The following BRCA1 variants were observed in gnomAD, a reference collection of about 807,000 sequenced individuals.
BRCA1 encodes BRCA1 DNA repair associated.
Under a neutral mutation model 173.7 loss-of-function variants are expected in BRCA1, and 140 were observed. The ratio of observed to expected loss-of-function variants is 0.81; its 90% CI spans 0.70 to 0.93. BRCA1 has a LOEUF of 0.93. Among genes scored for constraint, BRCA1 ranks in the 40% least tolerant of loss-of-function variants. BRCA1 has a pLI of 0.00. For synonymous variants in BRCA1, 662 were observed against 756.0 expected (o/e 0.88, Z 2.04); for missense variants, 1,983 against 2,172.5 (o/e 0.91, Z 1.73).
At position 43,049,110 on chromosome 17, in the gene BRCA1, C is replaced by A. The variant is rs892136580; in HGVS notation, c.5406+11G>T. 2 of 1,612,368 alleles carry A rather than the reference C, an allele frequency of 1.2e-6. No individual in the cohort carries two copies. Among genetic ancestry groups the A allele is most frequent in the African/African-American group, 2.7e-5 (2 of 74,832 alleles). ...GTGTCCTCCCTCTCTGACAGGGCAC[C>A]CAATACTTACTGTGCCAAGGGTGAA... is the stretch of plus-strand genomic sequence containing the variant. On this transcript the variant is annotated intron_variant, in intron 21 of 22. Coordinates refer to ENST00000357654, the MANE Select transcript of BRCA1 (RefSeq NM_007294.4).
chr17:43,061,556 C>T (rs1052782302), intron 18 of BRCA1, among the ~76,000 whole-genome samples: 3 of 150,762 alleles, frequency 2.0e-5, no homozygotes, highest in African/African-American at 7.3e-5. Context: ...ATGAATACAT[C>T]GAATTGTGCA....
chr17:43,129,637 C>A (rs2055948803), upstream of BRCA1, among the ~76,000 whole-genome samples: 1 of 152,112 alleles, frequency 6.6e-6, no homozygotes, highest in Non-Finnish European at 1.5e-5. Flanking sequence ...TCACGCCCAG[C>A]TAATTTTTTG....
chr17:43,091,288 G>A (rs1250784398), intron 10 of BRCA1, 147 bp downstream of exon 10: 3 of 1,117,324 alleles, frequency 2.7e-6, no homozygotes, highest in Non-Finnish European at 3.9e-6. Context: ...TCTATGAAAA[G>A]CACCTTAGGA....
At chr17:43,088,673 T>G (rs538655691) in intron 11 of BRCA1, among the ~76,000 whole-genome samples, 3 of 152,328 alleles carry the variant, frequency 2.0e-5, no homozygotes, top group African/African-American at 4.8e-5. Context: ...ATTCACTTAC[T>G]AGCAGCTAAA....
At chr17:43,099,754 T>TA (rs1223085865) in intron 7 of BRCA1, 21 bp downstream of exon 7, 2 of 1,566,992 alleles carry the variant, frequency 1.3e-6, no homozygotes, top group South Asian at 2.2e-5. Context: ...ATTAAATACT[T>TA]AAAAAACCTG....
At position 43,068,755 on chromosome 17, in the gene BRCA1, C is replaced by T. The variant is rs145869415; in HGVS notation, c.4987-1060G>A. ...ATATACATGGCTTAAAACCAAGACT[C>T]AACCCTCTGATAGTTACAAAACACT... On this transcript the variant is annotated intron_variant, in intron 15 of 22. Transcript: ENST00000357654. Among the ~76,000 whole-genome samples, 1,524 of 152,198 alleles carry T rather than the reference C, an allele frequency of 0.01. 17 individuals carry two copies. Among genetic ancestry groups the T allele is most frequent in the Middle Eastern group, 0.017 (5 of 294 alleles).
chr17:43,121,168 G>T (rs185348383), intron 2 of BRCA1, among the ~76,000 whole-genome samples: 1 of 151,906 alleles, frequency 6.6e-6, no homozygotes, highest in Non-Finnish European at 1.5e-5. Context: ...AAGGTCAGGA[G>T]ATCGAGACCA....
Position 43,050,880 on chromosome 17 carries a change from G to GT in BRCA1, c.5332+182dup, listed in dbSNP as rs201644509. On this transcript the variant is annotated intron_variant, in intron 20 of 22. Coordinates refer to ENST00000357654, the MANE Select transcript of BRCA1 (RefSeq NM_007294.4). ...CTCTTGAGAAGGGGGACAAGGTATA[G>GT]TTTTTTTTTGCCATAGGATAACATT... Among the ~76,000 whole-genome samples, 49 of 151,542 alleles carry GT rather than the reference G, an allele frequency of 3.2e-4. No homozygotes were observed. In the East Asian group the frequency reaches 4.4e-3, roughly 14 times the overall value.
chr17:43,100,572 A>AAC (rs2054352247), intron 6 of BRCA1, among the ~76,000 whole-genome samples: 5 of 86,600 alleles, frequency 5.8e-5, no homozygotes, highest in South Asian at 8.5e-4. Context: ...ATATATATAT[A>AAC]ACATATATAT....
chr17:43,096,504 G>C (rs2054145067), intron 8 of BRCA1, among the ~76,000 whole-genome samples: 1 of 151,132 alleles, frequency 6.6e-6, no homozygotes, highest in Non-Finnish European at 1.5e-5. Flanking sequence ...CCAGGGAGTT[G>C]GAGATTGCAG....
At chr17:43,147,618 G>C (rs2056132089) in intron 1 of BRCA1, among the ~76,000 whole-genome samples, 1 of 152,164 alleles carries the variant, frequency 6.6e-6, no homozygotes. Context: ...TTTCTAGTTA[G>C]AATTCTGTGA....
In BRCA1 at chr17:43,045,420, A is replaced by T; in HGVS notation, c.*258T>A. The T allele has an allele frequency of 1.5e-6, 1 of 674,668 alleles. No individual in the cohort carries two copies. Among genetic ancestry groups the T allele is most frequent in the Non-Finnish European group, 2.7e-6 (1 of 369,958 alleles). The allele number at this position is 674,668 out of a possible 1,614,324, so 41.8% of individuals were successfully genotyped here. A position where few individuals can be genotyped will look rare whatever the true frequency, so the allele number is the denominator to read the frequency against. ...ATCTTGCTCAATTGGTGGCGTTTAA[A>T]TGGTTTTAAAATCTTCTCAGGTGAA... On this transcript the variant is annotated 3_prime_UTR_variant, in exon 23 of 23. Coordinates refer to ENST00000357654, the MANE Select transcript of BRCA1 (RefSeq NM_007294.4).
intron 6 of BRCA1, among the ~76,000 whole-genome samples, chr17:43,103,428 C>T (rs2054578031): frequency 6.7e-6 from 1 of 150,218 alleles, no homozygotes; most frequent in African/African-American, 2.5e-5. Flanking sequence ...CATCGTGTCA[C>T]TGCGCTCCAG....
At chr17:43,086,931 G>C (rs1291391314) in intron 11 of BRCA1, among the ~76,000 whole-genome samples, 2 of 152,322 alleles carry the variant, frequency 1.3e-5, no homozygotes, top group South Asian at 4.1e-4. Flanking sequence ...ACTCCAAGGG[G>C]CTTCAGGTCT....
chr17:43,046,353 C>A (rs924428875), intron 22 of BRCA1, among the ~76,000 whole-genome samples: 8 of 151,392 alleles, frequency 5.3e-5, no homozygotes, highest in African/African-American at 1.9e-4. Flanking sequence ...GCCTCAGCCT[C>A]CCAAGTAGCA....
chr17:43,130,282 A>G (rs2055954713), upstream of BRCA1, among the ~76,000 whole-genome samples: 1 of 151,998 alleles, frequency 6.6e-6, no homozygotes, highest in African/African-American at 2.4e-5. Flanking sequence ...CCAAATTGCT[A>G]GGATTACAGG....
At chr17:43,130,706 C>T (rs758343153) in intron 1 of BRCA1, among the ~76,000 whole-genome samples, 4 of 152,100 alleles carry the variant, frequency 2.6e-5, no homozygotes, top group Non-Finnish European at 4.4e-5. Flanking sequence ...GTGAGATCGG[C>T]AAAACAGACA....
At chr17:43,117,267 C>A (rs1469571739) in intron 2 of BRCA1, among the ~76,000 whole-genome samples, 2 of 151,972 alleles carry the variant, frequency 1.3e-5, no homozygotes, top group African/African-American at 4.8e-5. Flanking sequence ...TATGGTGAAA[C>A]CCTGTCTACG....
chr17:43,111,534 A>C (rs1160811376), intron 3 of BRCA1, among the ~76,000 whole-genome samples: 2 of 151,704 alleles, frequency 1.3e-5, no homozygotes, highest in Admixed American at 6.6e-5. Flanking sequence ...CAAAACAAAA[A>C]AAAACAGCCG....
Sources: allele counts gnomAD v4.1 joint callset (sites outside exome capture counted in the v4.1 genomes callset), GRCh38; gene constraint gnomAD v4.1.1; transcripts MANE v1.5; gene names NCBI Gene and HGNC (gene_info 2026-07-23, HGNC 2026-07-21).